The following CACNG2 variants were observed in gnomAD, a reference collection of about 807,000 sequenced individuals.
The protein encoded by CACNG2 is calcium voltage-gated channel auxiliary subunit gamma 2.
CACNG2 carries 3 observed loss-of-function variants against 25.9 expected under a neutral mutation model. The ratio of observed to expected loss-of-function variants is 0.12; its 90% CI spans 0.05 to 0.30. CACNG2 has a LOEUF of 0.30. Ranked by LOEUF, CACNG2 falls within the 10% of genes least tolerant of loss-of-function variation. CACNG2 has a pLI of 1.00. For synonymous variants in CACNG2, 167 were observed against 173.3 expected, an observed-to-expected ratio of 0.96 and a Z score of 0.29; for missense variants, 341 against 432.5, an observed-to-expected ratio of 0.79 and a Z score of 1.88.
chr22:36,640,913 C>G (rs988859559), intron 1 of CACNG2, among the ~76,000 whole-genome samples: 1 of 152,150 alleles, frequency 6.6e-6, no homozygotes, highest in African/African-American at 2.4e-5. Context: ...ATTTCCCCAC[C>G]TCATCCACGC....
intron 1 of CACNG2, among the ~76,000 whole-genome samples, chr22:36,636,052 G>A (rs1334929021): frequency 6.6e-6 from 1 of 152,140 alleles, no homozygotes; most frequent in Non-Finnish European, 1.5e-5. Context: ...GGCAGTTCGA[G>A]ATCAAATCTG....
chr22:36,667,207 C>A (rs150495311), intron 1 of CACNG2, among the ~76,000 whole-genome samples: 14 of 152,258 alleles, frequency 9.2e-5, no homozygotes, highest in Middle Eastern at 6.8e-3. Context: ...CTGACCTCGG[C>A]CTTCCAAAGT....
At chr22:36,603,585 C>G (rs1256432206) in intron 1 of CACNG2, among the ~76,000 whole-genome samples, 1 of 152,136 alleles carries the variant, frequency 6.6e-6, no homozygotes, top group African/African-American at 2.4e-5. Context: ...TTGATAGGGG[C>G]TAATGCAACT....
At chr22:36,646,670 C>T (rs2145971688) in intron 1 of CACNG2, among the ~76,000 whole-genome samples, 1 of 151,882 alleles carries the variant, frequency 6.6e-6, no homozygotes, top group East Asian at 1.9e-4. Flanking sequence ...ACCACACCTC[C>T]TAGATTTTCT....
chr22:36,680,432 C>CCACCATCACCACCAT (rs1197535305), intron 1 of CACNG2, among the ~76,000 whole-genome samples: 1 of 150,092 alleles, frequency 6.7e-6, no homozygotes, highest in Non-Finnish European at 1.5e-5. Flanking sequence ...ATCACCACCA[C>CCACCATCACCACCAT]CACCATCACC....
intron 1 of CACNG2, among the ~76,000 whole-genome samples, chr22:36,680,063 CCAT>C (rs1937078666): frequency 6.6e-6 from 1 of 151,684 alleles, no homozygotes; most frequent in African/African-American, 2.4e-5. Flanking sequence ...ACTACCACCA[CCAT>C]CATTATCACC....
At chr22:36,669,474 C>T (rs1037678118) in intron 1 of CACNG2, among the ~76,000 whole-genome samples, 7 of 126,658 alleles carry the variant, frequency 5.5e-5, no homozygotes, top group African/African-American at 1.8e-4. Flanking sequence ...TGCCATTGAA[C>T]TCAGCTTAGG....
intron 1 of CACNG2, among the ~76,000 whole-genome samples, chr22:36,670,826 G>C (rs1601447328): frequency 6.6e-6 from 1 of 151,700 alleles, no homozygotes; most frequent in East Asian, 1.9e-4. Flanking sequence ...ATCATACCTA[G>C]TTCTCTGAAG....
At chr22:36,577,478 G>A (rs936701282) in intron 2 of CACNG2, among the ~76,000 whole-genome samples, 7 of 151,588 alleles carry the variant, frequency 4.6e-5, no homozygotes, top group African/African-American at 9.7e-5. Flanking sequence ...GGTGAAACCC[G>A]GTCTCTACTA....
intron 1 of CACNG2, among the ~76,000 whole-genome samples, chr22:36,680,957 C>G (rs957489952): frequency 1.3e-5 from 2 of 151,988 alleles, no homozygotes; most frequent in Non-Finnish European, 2.9e-5. Flanking sequence ...GTCTCAGATT[C>G]TTTTCTTTTC....
intron 3 of CACNG2, among the ~76,000 whole-genome samples, chr22:36,565,504 A>T (rs1395769090): frequency 4.0e-5 from 6 of 151,164 alleles, no homozygotes; most frequent in Non-Finnish European, 8.8e-5. Context: ...TTTAAGATAC[A>T]GTCTTGCTCT....
intron 1 of CACNG2, among the ~76,000 whole-genome samples, chr22:36,618,385 C>T (rs1038505951): frequency 1.3e-4 from 3 of 23,744 alleles, no homozygotes; most frequent in African/African-American, 4.0e-4. Flanking sequence ...CTTACATGAG[C>T]GACTGGCTTT....
At chr22:36,695,784 G>C (rs1255568289) in intron 1 of CACNG2, among the ~76,000 whole-genome samples, 1 of 151,956 alleles carries the variant, frequency 6.6e-6, no homozygotes, top group Admixed American at 6.6e-5. Flanking sequence ...TATGTGAATT[G>C]GGATTCAAAT....
rs139903223 is a variant in CACNG2 at position 36,582,479 on chromosome 22, C to T, written c.295+4986G>A. 3.0e-4 allele frequency among the ~76,000 whole-genome samples: 46 copies of T among 150,956 alleles called. No homozygotes were observed. The East Asian group carries it at 9.0e-3, about 29-fold the overall frequency. Reference sequence around the variant, plus strand: ...GGAGTGCAATGGCATGGTCTCAGCTCACTGCAACCTCCACCTCCTGGGTTC... The same window carrying T: ...GGAGTGCAATGGCATGGTCTCAGCTTACTGCAACCTCCACCTCCTGGGTTC... On this transcript the variant is annotated intron_variant, in intron 2 of 3. Transcript: ENST00000300105.
intron 1 of CACNG2, among the ~76,000 whole-genome samples, chr22:36,638,393 G>A (rs1478259734): frequency 6.6e-6 from 1 of 152,168 alleles, no homozygotes; most frequent in African/African-American, 2.4e-5. Context: ...AGTTCTGCCT[G>A]TGTCTCTACC....
chr22:36,698,467 T>C (rs113993276), intron 1 of CACNG2, among the ~76,000 whole-genome samples: 2 of 152,120 alleles, frequency 1.3e-5, no homozygotes, highest in East Asian at 1.9e-4. Context: ...AAATAAAAGA[T>C]GAATCCTTTT....
intron 1 of CACNG2, among the ~76,000 whole-genome samples, chr22:36,674,521 G>A (rs184940853): frequency 3.5e-4 from 54 of 152,248 alleles, no homozygotes; most frequent in Admixed American, 2.7e-3. Context: ...TACAGAGAGA[G>A]TTTCACCATG....
intron 1 of CACNG2, among the ~76,000 whole-genome samples, chr22:36,636,407 G>C (rs866348240): frequency 6.6e-6 from 1 of 152,166 alleles, no homozygotes; most frequent in Non-Finnish European, 1.5e-5. Flanking sequence ...CCTAGATCAG[G>C]TTCCCCCGGG....
At chr22:36,691,394 T>C (rs182089907) in intron 1 of CACNG2, among the ~76,000 whole-genome samples, 1 of 152,178 alleles carries the variant, frequency 6.6e-6, no homozygotes, top group African/African-American at 2.4e-5. Flanking sequence ...GGAACTTCTG[T>C]TTTCAAAGCA....
Sources: allele counts gnomAD v4.1 joint callset (sites outside exome capture counted in the v4.1 genomes callset), GRCh38; gene constraint gnomAD v4.1.1; transcripts MANE v1.5; gene names NCBI Gene and HGNC (gene_info 2026-07-23, HGNC 2026-07-21).